Variants in MACF1 observed in about 807,000 individuals in gnomAD.
The protein encoded by MACF1 is microtubule actin crosslinking factor 1.
A neutral mutation model predicts 854.8 loss-of-function variants in MACF1; 193 were observed. The ratio of observed to expected loss-of-function variants is 0.23; its 90% CI spans 0.20 to 0.25. The LOEUF (loss-of-function observed/expected upper bound fraction) is 0.25, where lower values mean the gene tolerates loss of function less well. MACF1 is among the 10% of genes least tolerant of loss of function. The pLI, the probability that MACF1 is intolerant of heterozygous loss-of-function variation, is 1.00. For missense variants in MACF1, 7,722 were observed against 8,929.1 expected, an observed-to-expected ratio of 0.86 and a Z score of 5.45; for synonymous variants, 3,185 against 3,226.7, an observed-to-expected ratio of 0.99 and a Z score of 0.44.
At chr1:39,436,503 T>C (rs916602054) in intron 70 of MACF1, 2 of 1,613,238 alleles carry the variant, frequency 1.2e-6, no homozygotes, top group Non-Finnish European at 1.7e-6. Flanking sequence ...AAGGTACCCA[T>C]CCCCATTGGG....
intron 2 of MACF1, among the ~76,000 whole-genome samples, chr1:39,186,300 C>T (rs1333473540): frequency 1.3e-5 from 2 of 149,120 alleles, no homozygotes; most frequent in African/African-American, 2.5e-5. Flanking sequence ...GACAGAGTCT[C>T]ACTCTGTCAC....
intron 58 of MACF1, among the ~76,000 whole-genome samples, chr1:39,391,882 A>C (rs925542545): frequency 6.6e-6 from 1 of 152,216 alleles, no homozygotes; most frequent in East Asian, 1.9e-4. Context: ...TCTGGATGTG[A>C]AGGCTGGGAC....
At chr1:39,269,036 A>AG in intron 6 of MACF1, 1 of 1,289,154 alleles carries the variant, frequency 7.8e-7, no homozygotes, top group Non-Finnish European at 1.0e-6. Context: ...AGAGATTCCA[A>AG]GGGGAGGTCC....
At chr1:39,171,444 A>T (rs1643947381) in intron 2 of MACF1, among the ~76,000 whole-genome samples, 1 of 151,530 alleles carries the variant, frequency 6.6e-6, no homozygotes, top group Admixed American at 6.6e-5. Context: ...CTTCTCCCCA[A>T]CCCCTGGCAA....
chr1:39,320,839 G>A (rs1408449438), intron 31 of MACF1, among the ~76,000 whole-genome samples: 1 of 152,116 alleles, frequency 6.6e-6, no homozygotes, highest in Non-Finnish European at 1.5e-5. Context: ...ATGTAGTGGT[G>A]TGCACCTGTA....
intron 5 of MACF1, chr1:39,254,679 A>G: frequency 3.2e-6 from 1 of 313,026 alleles, no homozygotes; most frequent in Non-Finnish European, 5.9e-6. Flanking sequence ...TAAACTAGAA[A>G]AGAGATGGAA....
intron 6 of MACF1, chr1:39,268,826 A>C (rs1274337794): frequency 7.8e-7 from 1 of 1,289,858 alleles, no homozygotes; most frequent in South Asian, 1.2e-5. Context: ...TCCCTACTCC[A>C]GAGGCATCTC....
At chr1:39,127,525 T>C (rs998095442) in intron 2 of MACF1, among the ~76,000 whole-genome samples, 2 of 152,250 alleles carry the variant, frequency 1.3e-5, no homozygotes, top group African/African-American at 4.8e-5. Flanking sequence ...AATAACTTGC[T>C]CAAGTTCTCT....
chr1:39,249,817 A>G (rs1645020846), intron 2 of MACF1, 197 bp from the exon 3 acceptor site: 2 of 459,638 alleles, frequency 4.4e-6, no homozygotes, highest in Admixed American at 7.6e-5. Flanking sequence ...TTTAAAAAAC[A>G]CACACGTTTC....
intron 2 of MACF1, among the ~76,000 whole-genome samples, chr1:39,235,075 A>G (rs576732595): frequency 7.1e-4 from 107 of 151,758 alleles, no homozygotes; most frequent in South Asian, 1.3e-3. Flanking sequence ...GCGGCCAGGC[A>G]GAGACGCTCC....
intron 2 of MACF1, among the ~76,000 whole-genome samples, chr1:39,248,771 A>G (rs774208744): frequency 3.9e-5 from 6 of 152,136 alleles, no homozygotes; most frequent in South Asian, 4.2e-4. Flanking sequence ...TCTGTCGCCT[A>G]TGCTGGAGTA....
chr1:39,249,674 G>A (rs1013076165), intron 2 of MACF1, among the ~76,000 whole-genome samples: 6 of 152,076 alleles, frequency 3.9e-5, no homozygotes, highest in African/African-American at 7.2e-5. Context: ...CCCATCATTC[G>A]CCATGCTATT....
rs777981456 is a variant in MACF1, at chr1:39,284,100, G to T, written c.950G>T (p.Arg317Leu). 5 of 1,613,918 alleles carry T rather than the reference G, an allele frequency of 3.1e-6. No homozygotes were observed. Among genetic ancestry groups the T allele is most frequent in the Non-Finnish European group, 4.2e-6 (5 of 1,179,962 alleles). ...VDSRWQEYQS[R>L]VDSLIPWIKQ... Reference sequence around the variant, plus strand: ...TCCAGGTGGCAAGAATACCAAAGCCGAGTGGACTCCCTCATTCCCTGGATC... The same window carrying T: ...TCCAGGTGGCAAGAATACCAAAGCCTAGTGGACTCCCTCATTCCCTGGATC... The change falls in exon 10 of 101, where the codon CGA (arginine) becomes CTA (leucine). Residue 317 changes from arginine to leucine, a missense_variant. Arg to Leu is a moderately radical substitution (Grantham distance 102). Coordinates refer to ENST00000564288, the MANE Select transcript of MACF1 (RefSeq NM_001394062.1).
chr1:39,333,845 A>G lies in MACF1; in HGVS notation c.7257A>G (p.Lys2419=). 6.2e-7 allele frequency: 1 copy of G among 1,614,202 alleles called. No individual in the cohort carries two copies. The highest frequency in any genetic ancestry group is 1.1e-5 in the South Asian group (1 of 91,082). Residue 2419 remains lysine (K), a synonymous_variant, in exon 37 of 101, where the codon AAA becomes AAG. Transcript: ENST00000564288. ...TTATTGATCTGAAACGAGGCAAAAAAGTTTCAGTAACTTTGGCCTCAACTC... is the reference window on the plus strand; with the variant it reads ...TTATTGATCTGAAACGAGGCAAAAAGGTTTCAGTAACTTTGGCCTCAACTC... ...GGIIDLKRGK[K]VSVTLASTLG...
intron 2 of MACF1, among the ~76,000 whole-genome samples, chr1:39,164,483 G>A (rs186784697): frequency 1.3e-4 from 20 of 152,292 alleles, no homozygotes; most frequent in Admixed American, 6.5e-4. Context: ...GGGCCAAGTG[G>A]CCTTCTCACT....
intron 95 of MACF1, chr1:39,467,958 C>T (rs770306982): frequency 6.6e-6 from 1 of 152,196 alleles, no homozygotes; most frequent in Non-Finnish European, 1.5e-5. Context: ...AACAAATTAG[C>T]ATGCCAAGAA....
chr1:39,101,538 T>C (rs1216103748), intron 2 of MACF1, among the ~76,000 whole-genome samples: 1 of 148,436 alleles, frequency 6.7e-6, no homozygotes, highest in Non-Finnish European at 1.5e-5. Context: ...ATTAAAGAAA[T>C]AGTTGGCTGG....
intron 52 of MACF1, among the ~76,000 whole-genome samples, chr1:39,374,377 T>G (rs1307458536): frequency 6.6e-6 from 1 of 152,222 alleles, no homozygotes; most frequent in East Asian, 1.9e-4. Flanking sequence ...AAGGAAAAAT[T>G]TATTTGCTTT....
chr1:39,277,443 G>A (rs190469907), intron 6 of MACF1, among the ~76,000 whole-genome samples: 1 of 152,278 alleles, frequency 6.6e-6, no homozygotes, highest in East Asian at 1.9e-4. Context: ...TTAAATATGT[G>A]TATATGTGTA....
Sources: gnomAD v4.1 joint callset for allele counts (sites outside exome capture counted in the v4.1 genomes callset) on GRCh38, gnomAD v4.1.1 for gene constraint, MANE v1.5 for transcripts, NCBI Gene and HGNC (gene_info 2026-07-23, HGNC 2026-07-21) for gene names.